The following ZW10 variants were observed in gnomAD, a reference collection of about 807,000 sequenced individuals.
ZW10 encodes the protein zw10 kinetochore protein, also known as centromere/kinetochore protein zw10 homolog.
In ZW10, 53 loss-of-function variants were observed where a neutral mutation model predicts 87.8. The ratio of observed to expected loss-of-function variants is 0.60; its 90% confidence interval spans 0.48 to 0.76. ZW10 has a LOEUF of 0.76. Ranked by LOEUF, ZW10 falls within the 30% of genes least tolerant of loss-of-function variation. ZW10 has a pLI of 0.00. For synonymous variants in ZW10, 312 were observed against 329.2 expected, an observed-to-expected ratio of 0.95 and a Z score of 0.57; for missense variants, 837 against 923.0, an observed-to-expected ratio of 0.91 and a Z score of 1.21.
At position 113,736,689 on chromosome 11, in the gene ZW10, A is replaced by C; in HGVS notation, c.2150T>G (p.Val717Gly). 1.9e-6 allele frequency: 3 copies of C among 1,614,200 alleles called. No individual in the cohort carries two copies. The highest frequency in any genetic ancestry group is 2.5e-6 in the Non-Finnish European group (3 of 1,180,026). Residue 717 changes from valine (V) to glycine (G), a missense_variant, in exon 15 of 16, where the codon GTG becomes GGG. Transcript: ENST00000200135. ...KKYQEEVPVY[V>G]PKWMPFKELM... is the part of the protein sequence containing the mutation. ...TTCCTTGAATGGCATCCATTTTGGC[A>C]CATAGACTGGAACCTCTTCTTGATA... is the stretch of plus-strand genomic sequence containing the variant.
At chr11:113,752,951 G>T (rs1200397724) in intron 7 of ZW10, among the ~76,000 whole-genome samples, 1 of 152,090 alleles carries the variant, frequency 6.6e-6, no homozygotes, top group Non-Finnish European at 1.5e-5. Flanking sequence ...GCCAAGTTTT[G>T]AATTCAAAGG....
chr11:113,735,720 G>A (rs1433391308), intron 15 of ZW10, among the ~76,000 whole-genome samples: 2 of 152,034 alleles, frequency 1.3e-5, no homozygotes, highest in African/African-American at 2.4e-5. Context: ...TTTGTGCAAC[G>A]GCCTCTGCAC....
chr11:113,760,558 T>C lies in ZW10; in HGVS notation c.375A>G (p.Ala125=), dbSNP rs572627624. The change falls in exon 4 of 16, where the codon GCA becomes GCG. Residue 125 remains alanine (A), a synonymous_variant. Transcript: ENST00000200135. ...FSTAIEEYNC[A]LTEKKYVTGA... is the part of the protein sequence containing the mutation. ...CAGTGACATACTTCTTCTCTGTTAA[T>C]GCACAATTATATTCTTCAATAGCAG... The C allele has an allele frequency of 7.4e-6, 12 of 1,613,876 alleles. No homozygotes were observed. In the East Asian group the frequency reaches 2.2e-4, roughly 30 times the overall value.
chr11:113,754,548 G>A (rs946459739), intron 7 of ZW10, among the ~76,000 whole-genome samples: 1 of 151,994 alleles, frequency 6.6e-6, no homozygotes. Context: ...CTAGAGATAG[G>A]ATAAAGCCTG....
rs4612842 is a variant in ZW10 at position 113,758,313 on chromosome 11, T to C, written c.733+241A>G. On this transcript the variant is annotated intron_variant, in intron 6 of 15. Transcript: ENST00000200135. ...GTTTTACCACTGAAGTTTCCCAGAT[T>C]GTCTACAGATTTTTATTTAAATTAT... Among the ~76,000 whole-genome samples the C allele has an allele frequency of 2.4e-4, 37 of 151,274 alleles. No individual in the cohort carries two copies. In the East Asian group the frequency reaches 4.9e-3, roughly 20 times the overall value.
At chr11:113,737,769 A>C (rs1591408685) in intron 13 of ZW10, 66 bp from the exon 14 acceptor site, 1 of 1,513,134 alleles carries the variant, frequency 6.6e-7, no homozygotes, top group East Asian at 2.3e-5. Flanking sequence ...CCAGATTTAC[A>C]TTTATCATTT....
Position 113,741,734 on chromosome 11 carries a change from T to C in ZW10, c.1543A>G (p.Ile515Val), listed in dbSNP as rs1252503654. The stretch of plus-strand genomic sequence containing the variant: ...ACAACATCATGGAACAAATGGAAGA[T>C]ATTCCTCACTGAGTAGAAAAGTTGA... ...AVQLFYSVRNIFHLFHDVVPT... is the reference protein window; with the variant it reads ...AVQLFYSVRNVFHLFHDVVPT... The change falls in exon 11 of 16, where the codon ATC becomes GTC. Residue 515 changes from isoleucine to valine, a missense_variant. Ile to Val is a conservative substitution (Grantham distance 29). Coordinates refer to ENST00000200135, the MANE Select transcript of ZW10 (RefSeq NM_004724.4). The C allele has an allele frequency of 1.2e-6, 2 of 1,609,354 alleles. No homozygotes were observed. The highest frequency in any genetic ancestry group is 1.3e-5 in the African/African-American group (1 of 74,894).
Position 113,733,748 on chromosome 11 carries a change from A to G in ZW10, c.2286T>C (p.Arg762=), listed in dbSNP as rs200095366. 1.2e-6 allele frequency: 2 copies of G among 1,614,136 alleles called. No individual in the cohort carries two copies. Among genetic ancestry groups the G allele is most frequent in the Admixed American group, 1.7e-5 (1 of 60,020 alleles). Reference sequence around the variant, plus strand: ...TTCTTTCTGTGTTCTGAAACAAGGCACGAATTAAAGCTTTTACTTCACTGG... The same window carrying G: ...TTCTTTCTGTGTTCTGAAACAAGGCGCGAATTAAAGCTTTTACTTCACTGG... ...FSSSEVKALI[R]ALFQNTERRA... is the part of the protein sequence containing the mutation. Residue 762 remains arginine (R), a synonymous_variant, in exon 16 of 16, where the codon CGT becomes CGC. Transcript: ENST00000200135.
At chr11:113,736,218 T>A (rs1199736133) in intron 15 of ZW10, among the ~76,000 whole-genome samples, 1 of 151,324 alleles carries the variant, frequency 6.6e-6, no homozygotes, top group East Asian at 1.9e-4. Flanking sequence ...GAGGCTGCAG[T>A]GAGGAATGAT....
At chr11:113,758,253 C>G (rs1953815923) in intron 6 of ZW10, among the ~76,000 whole-genome samples, 1 of 151,350 alleles carries the variant, frequency 6.6e-6, no homozygotes, top group Admixed American at 6.6e-5. Flanking sequence ...AATACATATA[C>G]CATGACATTA....
At position 113,733,824 on chromosome 11, in the gene ZW10, G is replaced by A. The variant is rs1248731984; in HGVS notation, c.2220-10C>T. On this transcript the variant is annotated splice_polypyrimidine_tract_variant and intron_variant, in intron 15 of 15. Transcript: ENST00000200135. ...TTTTCCATCTGCCCACCTGCAAAAC[G>A]AAAGATAGAGTTCCATTTCCTATTA... 4 of 1,591,068 alleles carry A rather than the reference G, an allele frequency of 2.5e-6. No homozygotes were observed. The highest frequency in any genetic ancestry group is 1.4e-5 in the African/African-American group (1 of 73,702).
rs768554815 is a variant in ZW10 at position 113,760,296 on chromosome 11, C to A, written c.493G>T (p.Glu165Ter). The change falls in exon 5 of 16, where the codon GAG becomes TAG. Residue 165 changes from glutamate (E) to a stop codon, truncating the protein, a stop_gained. Transcript: ENST00000200135. LOFTEE classifies it high-confidence loss of function. The part of the protein sequence containing the change: ...DLKILKSLSM[E>*]LTIQKQNILY... ...ATGTTCTGTTTCTGTATTGTGAGCT[C>A]CATGCTGAGAGATTTCAATATTTTT... 3.7e-6 allele frequency: 6 copies of A among 1,613,942 alleles called. No individual in the cohort carries two copies. Among genetic ancestry groups the A allele is most frequent in the Non-Finnish European group, 5.1e-6 (6 of 1,180,008 alleles).
chr11:113,756,920 A>G (rs1953793324), intron 7 of ZW10, among the ~76,000 whole-genome samples: 2 of 152,196 alleles, frequency 1.3e-5, no homozygotes, highest in Non-Finnish European at 2.9e-5. Flanking sequence ...TGCTCTCATC[A>G]AAACTATAGA....
chr11:113,736,921 A>T (rs556737981), intron 14 of ZW10, 99 bp from the exon 15 acceptor site: 1 of 1,102,140 alleles, frequency 9.1e-7, no homozygotes, highest in East Asian at 2.4e-5. Context: ...CAGGTGGGTC[A>T]GCTACAACAT....
At chr11:113,750,000 G>A (rs1044640456) in intron 7 of ZW10, among the ~76,000 whole-genome samples, 2 of 152,162 alleles carry the variant, frequency 1.3e-5, no homozygotes, top group African/African-American at 2.4e-5. Flanking sequence ...TTTATGCATA[G>A]AGCGCAAGTT....
Position 113,737,705 on chromosome 11 carries a change from T to C in ZW10, c.1885-2A>G. The C allele has an allele frequency of 6.2e-7, 1 of 1,602,104 alleles. No individual in the cohort carries two copies. The highest frequency in any genetic ancestry group is 8.5e-7 in the Non-Finnish European group (1 of 1,173,116). On this transcript the variant is annotated splice_acceptor_variant, in intron 13 of 15. Coordinates refer to ENST00000200135, the MANE Select transcript of ZW10 (RefSeq NM_004724.4). LOFTEE classifies it high-confidence loss of function. ...AAGTCTCTTTAGTTGGTGCAGTACC[T>C]GTAGAAGAATACAGCTATTTACGTG...
Position 113,760,204 on chromosome 11 carries a change from A to G in ZW10, c.580+5T>C. On this transcript the variant is annotated splice_donor_5th_base_variant and intron_variant, in intron 5 of 15. Coordinates refer to ENST00000200135, the MANE Select transcript of ZW10 (RefSeq NM_004724.4). ...GCAAAGCAGTCCACCTGAGGTCAGCAGCACCTTTTGATGGTGGGAACTTCC... is the reference window on the plus strand; with the variant it reads ...GCAAAGCAGTCCACCTGAGGTCAGCGGCACCTTTTGATGGTGGGAACTTCC... 1.9e-6 allele frequency: 3 copies of G among 1,613,510 alleles called. No individual in the cohort carries two copies. Among genetic ancestry groups the G allele is most frequent in the Non-Finnish European group, 2.5e-6 (3 of 1,179,796 alleles).
chr11:113,769,746 G>A (rs1256303887), intron 1 of ZW10: 4 of 424,128 alleles, frequency 9.4e-6, no homozygotes, highest in South Asian at 5.8e-5. Context: ...TAATGCCTGT[G>A]GTTTCCACAG....
At chr11:113,764,811 C>T (rs1953894978) in intron 2 of ZW10, among the ~76,000 whole-genome samples, 1 of 152,158 alleles carries the variant, frequency 6.6e-6, no homozygotes, top group Admixed American at 6.5e-5. Context: ...ACATTCTTTT[C>T]CCTTAGTTCC....
Sources: allele counts gnomAD v4.1 joint callset (sites outside exome capture counted in the v4.1 genomes callset), GRCh38; gene constraint gnomAD v4.1.1; transcripts MANE v1.5; gene names NCBI Gene and HGNC (gene_info 2026-07-23, HGNC 2026-07-21).